Variants in ZBTB7C observed in about 807,000 individuals in gnomAD.
ZBTB7C encodes the protein zinc finger and BTB domain-containing protein 7C.
Under a neutral mutation model 25.7 loss-of-function variants are expected in ZBTB7C, and 8 were observed. The observed-to-expected ratio is 0.31, with a 90% confidence interval of 0.18 to 0.56. The LOEUF is 0.56. Ranked by LOEUF, ZBTB7C falls within the 20% of genes least tolerant of loss-of-function variation. ZBTB7C has a pLI of 0.91. For missense variants in ZBTB7C, 824 were observed against 855.2 expected (o/e 0.96, Z 0.46); for synonymous variants, 394 against 369.0 (o/e 1.07, Z -0.78).
At chr18:48,036,455 C>T (rs1198653342) in intron 4 of ZBTB7C, among the ~76,000 whole-genome samples, 1 of 152,060 alleles carries the variant, frequency 6.6e-6, no homozygotes, top group Non-Finnish European at 1.5e-5. Flanking sequence ...GAAGGGCAGG[C>T]CTCTCCAGCA....
At chr18:48,150,127 C>T (rs2040629270) in intron 3 of ZBTB7C, 1 of 152,018 alleles carries the variant, frequency 6.6e-6, no homozygotes, top group South Asian at 2.1e-4. Context: ...TCTTTTAATC[C>T]TTACCAACAG....
At chr18:48,405,169 T>C (rs929349950) in intron 1 of ZBTB7C, among the ~76,000 whole-genome samples, 1 of 151,566 alleles carries the variant, frequency 6.6e-6, no homozygotes, top group African/African-American at 2.4e-5. Context: ...AGGGATGAAG[T>C]TGTAACTGAT....
At chr18:48,324,698 C>T (rs1348006557) in intron 2 of ZBTB7C, among the ~76,000 whole-genome samples, 1 of 152,154 alleles carries the variant, frequency 6.6e-6, no homozygotes. Flanking sequence ...CAAGAAGAGG[C>T]TATGAGAGGG....
At chr18:48,283,069 C>T (rs2044920854) in intron 2 of ZBTB7C, among the ~76,000 whole-genome samples, 1 of 152,132 alleles carries the variant, frequency 6.6e-6, no homozygotes, top group Non-Finnish European at 1.5e-5. Context: ...TAAATTAATA[C>T]TTTCTTACAT....
intron 2 of ZBTB7C, among the ~76,000 whole-genome samples, chr18:48,219,980 C>T (rs1054158045): frequency 3.3e-5 from 5 of 152,188 alleles, no homozygotes; most frequent in Admixed American, 1.3e-4. Flanking sequence ...GATGGCCTCA[C>T]ACTGGGGTGT....
intron 3 of ZBTB7C, among the ~76,000 whole-genome samples, chr18:48,157,438 C>T (rs2040872220): frequency 6.6e-6 from 1 of 152,098 alleles, no homozygotes; most frequent in Admixed American, 6.6e-5. Flanking sequence ...CAGCTGGGAA[C>T]ATGATCAGAT....
chr18:48,139,058 C>T (rs552687547), intron 3 of ZBTB7C, among the ~76,000 whole-genome samples: 1 of 152,072 alleles, frequency 6.6e-6, no homozygotes. Flanking sequence ...CAGGGCAGTG[C>T]TTTTGCAGAG....
chr18:48,277,309 A>T (rs534562806), intron 2 of ZBTB7C, among the ~76,000 whole-genome samples: 58 of 148,464 alleles, frequency 3.9e-4, no homozygotes, highest in African/African-American at 1.4e-3. Context: ...AGAAAAAAAC[A>T]AACAACCCCA....
At chr18:48,188,299 G>C (rs538380360) in intron 2 of ZBTB7C, among the ~76,000 whole-genome samples, 78 of 152,312 alleles carry the variant, frequency 5.1e-4, no homozygotes, top group African/African-American at 1.8e-3. Context: ...GGCTGGGGAG[G>C]CTTCAGGAAA....
intron 3 of ZBTB7C, among the ~76,000 whole-genome samples, chr18:48,176,899 A>G (rs966877250): frequency 2.0e-5 from 3 of 152,198 alleles, no homozygotes; most frequent in Admixed American, 2.0e-4. Flanking sequence ...AATCAAACCC[A>G]TCTGGGTTCA....
chr18:48,050,713 C>A (rs977304501), intron 3 of ZBTB7C, among the ~76,000 whole-genome samples: 1 of 152,146 alleles, frequency 6.6e-6, no homozygotes, highest in East Asian at 1.9e-4. Context: ...AAGCAGGCAC[C>A]CCTGGGTTCT....
At chr18:48,372,761 A>G (rs543770590) in intron 1 of ZBTB7C, among the ~76,000 whole-genome samples, 2 of 152,086 alleles carry the variant, frequency 1.3e-5, no homozygotes, top group Non-Finnish European at 2.9e-5. Flanking sequence ...CACCCTGTCA[A>G]TAATCATGAT....
At chr18:48,332,361 A>G (rs1017651029) in intron 2 of ZBTB7C, among the ~76,000 whole-genome samples, 4 of 152,188 alleles carry the variant, frequency 2.6e-5, no homozygotes, top group South Asian at 2.1e-4. Context: ...CTTCAGCCTC[A>G]TGGCAAGAAA....
intron 3 of ZBTB7C, among the ~76,000 whole-genome samples, chr18:48,127,005 C>T (rs370618833): frequency 5.3e-5 from 8 of 152,240 alleles, no homozygotes; most frequent in East Asian, 3.9e-4. Flanking sequence ...GGAAGATGCG[C>T]GTGGCTCAGT....
At chr18:48,156,712 T>A (rs1031988093) in intron 3 of ZBTB7C, among the ~76,000 whole-genome samples, 2 of 152,186 alleles carry the variant, frequency 1.3e-5, no homozygotes, top group Non-Finnish European at 2.9e-5. Flanking sequence ...TCCATTTCCA[T>A]CATTATACCT....
chr18:48,202,245 C>T (rs1404632353), intron 2 of ZBTB7C, among the ~76,000 whole-genome samples: 1 of 152,192 alleles, frequency 6.6e-6, no homozygotes. Flanking sequence ...GGACAACAGA[C>T]ACACGCAGAG....
intron 3 of ZBTB7C, among the ~76,000 whole-genome samples, chr18:48,181,077 A>C (rs938794209): frequency 5.9e-5 from 9 of 152,330 alleles, no homozygotes; most frequent in Middle Eastern, 3.4e-3. Context: ...TAATTAATAA[A>C]TGTAAAATGG....
intron 1 of ZBTB7C, among the ~76,000 whole-genome samples, chr18:48,365,599 C>A (rs971848375): frequency 2.6e-5 from 4 of 152,100 alleles, no homozygotes; most frequent in Non-Finnish European, 5.9e-5. Context: ...CTTGGGCCTC[C>A]AGATGAGAAC....
At chr18:48,363,889 A>C (rs1189735576) in intron 1 of ZBTB7C, among the ~76,000 whole-genome samples, 2 of 149,306 alleles carry the variant, frequency 1.3e-5, no homozygotes, top group Non-Finnish European at 3.0e-5. Flanking sequence ...TTTTTAAAAA[A>C]CTCTCTCCCC....
Sources: gnomAD v4.1 joint callset for allele counts (sites outside exome capture counted in the v4.1 genomes callset) on GRCh38, gnomAD v4.1.1 for gene constraint, MANE v1.5 for transcripts, NCBI Gene and HGNC (gene_info 2026-07-23, HGNC 2026-07-21) for gene names.